TAFA2: variants seen among roughly 807,000 people sequenced by gnomAD.
The protein encoded by TAFA2 is TAFA chemokine like family member 2.
Under a neutral mutation model 18.8 loss-of-function variants are expected in TAFA2, and 7 were observed. The ratio of observed to expected loss-of-function variants is 0.37; its 90% CI spans 0.21 to 0.70. TAFA2 has a LOEUF of 0.70. Among genes scored for constraint, TAFA2 ranks in the 30% least tolerant of loss-of-function variants. The pLI is 0.53. For missense variants in TAFA2, 122 were observed against 158.1 expected (o/e 0.77, Z 1.23); for synonymous variants, 60 against 54.2 (o/e 1.11, Z -0.47).
At chr12:62,123,644 G>A (rs1247193658) in intron 1 of TAFA2, among the ~76,000 whole-genome samples, 1 of 151,252 alleles carries the variant, frequency 6.6e-6, no homozygotes, top group Non-Finnish European at 1.5e-5. Flanking sequence ...AAATTCAAAT[G>A]GTTAACACTT....
At chr12:61,879,731 GACA>G (rs896652767) in intron 1 of TAFA2, 59 of 1,184,066 alleles carry the variant, frequency 5.0e-5, no homozygotes, top group Non-Finnish European at 7.0e-5. Flanking sequence ...GAGCAACATG[GACA>G]ACATGTTCCA....
At chr12:61,934,483 A>C (rs1054746454) in intron 1 of TAFA2, among the ~76,000 whole-genome samples, 74 of 152,364 alleles carry the variant, frequency 4.9e-4, no homozygotes, top group African/African-American at 1.6e-3. Context: ...TGTTGAGTCC[A>C]AACATCAACT....
chr12:61,756,597 C>T (rs1264793545), intron 2 of TAFA2, among the ~76,000 whole-genome samples: 1 of 152,058 alleles, frequency 6.6e-6, no homozygotes, highest in African/African-American at 2.4e-5. Flanking sequence ...TCTGTTCCTG[C>T]CCTCAAAGAG....
intron 1 of TAFA2, among the ~76,000 whole-genome samples, chr12:62,057,219 T>C (rs1379959952): frequency 6.6e-6 from 1 of 152,208 alleles, no homozygotes; most frequent in African/African-American, 2.4e-5. Context: ...ATTTTCAAAA[T>C]TTTCCCCCTT....
chr12:61,814,171 A>G (rs1347871311), intron 2 of TAFA2, among the ~76,000 whole-genome samples: 1 of 151,502 alleles, frequency 6.6e-6, no homozygotes, highest in Non-Finnish European at 1.5e-5. Flanking sequence ...AAATGGGGAA[A>G]GAGGCAGCCA....
At chr12:61,933,824 C>T (rs1877659655) in intron 1 of TAFA2, among the ~76,000 whole-genome samples, 2 of 152,194 alleles carry the variant, frequency 1.3e-5, no homozygotes, top group South Asian at 4.1e-4. Context: ...GTGCTAAGCA[C>T]ATAGACATAA....
intron 1 of TAFA2, among the ~76,000 whole-genome samples, chr12:62,205,988 C>A (rs183169110): frequency 1.3e-5 from 2 of 152,258 alleles, no homozygotes; most frequent in East Asian, 3.9e-4. Context: ...TTTCCCCATG[C>A]GGCTCCCACA....
intron 1 of TAFA2, among the ~76,000 whole-genome samples, chr12:62,141,767 T>C (rs746296520): frequency 1.2e-4 from 18 of 152,202 alleles, no homozygotes; most frequent in Non-Finnish European, 2.1e-4. Flanking sequence ...CTATTTTATA[T>C]AGTTAGTTCT....
intron 1 of TAFA2, among the ~76,000 whole-genome samples, chr12:61,940,974 A>C (rs545324123): frequency 6.6e-6 from 1 of 152,186 alleles, no homozygotes; most frequent in South Asian, 2.1e-4. Context: ...GAAATATAGC[A>C]TGTGTGAATG....
At chr12:61,716,665 A>T (rs947977710) in intron 4 of TAFA2, among the ~76,000 whole-genome samples, 6 of 152,212 alleles carry the variant, frequency 3.9e-5, no homozygotes, top group Admixed American at 3.3e-4. Flanking sequence ...AGAAGTGAAA[A>T]TGCATTATGA....
At chr12:61,767,607 TCA>T (rs1468704449) in intron 2 of TAFA2, among the ~76,000 whole-genome samples, 1 of 152,082 alleles carries the variant, frequency 6.6e-6, no homozygotes, top group Non-Finnish European at 1.5e-5. Flanking sequence ...AAATCTTTTC[TCA>T]CACACGGAAG....
chr12:62,114,734 G>C (rs1442951415), intron 1 of TAFA2, among the ~76,000 whole-genome samples: 1 of 152,090 alleles, frequency 6.6e-6, no homozygotes. Context: ...CTAAACTATA[G>C]GGCCAGCCTT....
intron 2 of TAFA2, among the ~76,000 whole-genome samples, chr12:61,774,616 T>A (rs775118682): frequency 7.9e-5 from 12 of 151,526 alleles, no homozygotes; most frequent in Non-Finnish European, 1.6e-4. Flanking sequence ...GAAGCTAAGT[T>A]ATGAGGACAC....
intron 1 of TAFA2, among the ~76,000 whole-genome samples, chr12:62,107,968 T>C (rs1164996293): frequency 6.6e-6 from 1 of 152,160 alleles, no homozygotes; most frequent in African/African-American, 2.4e-5. Flanking sequence ...TTTACCACAC[T>C]TTTAATTCAC....
At chr12:61,934,740 C>T (rs907631384) in intron 1 of TAFA2, among the ~76,000 whole-genome samples, 2 of 152,200 alleles carry the variant, frequency 1.3e-5, no homozygotes, top group Non-Finnish European at 1.5e-5. Context: ...GTGAGTTTCT[C>T]TAGAGAGGAC....
At chr12:61,836,598 A>G (rs1332538450) in intron 2 of TAFA2, among the ~76,000 whole-genome samples, 1 of 151,716 alleles carries the variant, frequency 6.6e-6, no homozygotes, top group Non-Finnish European at 1.5e-5. Flanking sequence ...ATTCCTTAAC[A>G]AAATCAAAGC....
intron 1 of TAFA2, among the ~76,000 whole-genome samples, chr12:61,981,429 C>A (rs1210198437): frequency 6.6e-6 from 1 of 152,162 alleles, no homozygotes; most frequent in East Asian, 1.9e-4. Flanking sequence ...ACAACAAAAG[C>A]AATGGCAGTG....
intron 1 of TAFA2, among the ~76,000 whole-genome samples, chr12:62,187,149 C>T (rs1343478446): frequency 2.0e-5 from 3 of 152,106 alleles, no homozygotes; most frequent in Non-Finnish European, 2.9e-5. Context: ...ATATGTTCAG[C>T]GTTCAAAATG....
chr12:61,983,565 G>A (rs1183386247), intron 1 of TAFA2, among the ~76,000 whole-genome samples: 1 of 151,956 alleles, frequency 6.6e-6, no homozygotes, highest in African/African-American at 2.4e-5. Context: ...GTGCCACCAC[G>A]CCCAGATAGT....
Sources: allele counts gnomAD v4.1 joint callset (sites outside exome capture counted in the v4.1 genomes callset), GRCh38; gene constraint gnomAD v4.1.1; transcripts MANE v1.5; gene names NCBI Gene and HGNC (gene_info 2026-07-23, HGNC 2026-07-21).